Variants in TUSC3 observed in about 807,000 individuals in gnomAD.
TUSC3 encodes tumor suppressor candidate 3, also known as dolichyl-diphosphooligosaccharide--protein glycosyltransferase subunit TUSC3.
In TUSC3, 45 loss-of-function variants were observed where a neutral mutation model predicts 44.8. The ratio of observed to expected loss-of-function variants is 1.00; its 90% CI spans 0.79 to 1.29. The LOEUF (loss-of-function observed/expected upper bound fraction) is 1.29. Among genes scored for constraint, TUSC3 ranks in the 50% most tolerant of loss-of-function variants. TUSC3 has a pLI of 0.00. For synonymous variants in TUSC3, 212 were observed against 152.9 expected, an observed-to-expected ratio of 1.39 and a Z score of -2.85; for missense variants, 519 against 437.9, an observed-to-expected ratio of 1.19 and a Z score of -1.65.
intron 1 of TUSC3, among the ~76,000 whole-genome samples, chr8:15,464,011 A>G (rs1185566511): frequency 2.0e-5 from 3 of 152,196 alleles, no homozygotes; most frequent in Non-Finnish European, 2.9e-5. Flanking sequence ...AAAGATTCCT[A>G]AAGTGCCTGT....
rs554563764 is a variant in TUSC3 at position 15,738,652 on chromosome 8, A to G, written c.863-4886A>G. 1.9e-3 allele frequency among the ~76,000 whole-genome samples: 289 copies of G among 152,156 alleles called. 2 individuals are homozygous for G. The highest frequency in any genetic ancestry group is 0.01 in the Middle Eastern group (3 of 294). ...TGGTCAATAAAGAACACAAAAATCC[A>G]CACTTTTATTAACTCACCCGTGAAC... is the stretch of plus-strand genomic sequence containing the variant. On this transcript the variant is annotated intron_variant, in intron 7 of 10. Transcript: ENST00000503731.
At chr8:15,610,387 A>G (rs1804708372) in intron 1 of TUSC3, among the ~76,000 whole-genome samples, 1 of 152,202 alleles carries the variant, frequency 6.6e-6, no homozygotes, top group African/African-American at 2.4e-5. Flanking sequence ...TCTCATGGAG[A>G]AACATTTCTG....
the TUSC3 span, among the ~76,000 whole-genome samples, chr8:15,792,361 T>C: frequency 6.6e-6 from 1 of 152,150 alleles, no homozygotes; most frequent in Non-Finnish European, 1.5e-5. Context: ...AGGCTGATGT[T>C]ACTGAGTGGC....
intron 2 of TUSC3, among the ~76,000 whole-genome samples, chr8:15,489,688 T>C (rs1231952438): frequency 2.0e-5 from 3 of 152,156 alleles, no homozygotes; most frequent in Admixed American, 6.6e-5. Flanking sequence ...TTTGTCAGTC[T>C]TAAGATTTCT....
chr8:15,573,192 CTCTCTCTCTCTATATATA>C lies in TUSC3; in HGVS notation c.138+32626_138+32643del, dbSNP rs1347781840. On this transcript the variant is annotated intron_variant, in intron 1 of 10. Transcript: ENST00000503731. ...TTTCTCTCTCTCTCTCTCTCTCTCT[CTCTCTCTCTCTATATATA>C]TATATATATATATATATATAAAAGT... Among the ~76,000 whole-genome samples, 7 of 93,276 alleles carry C rather than the reference CTCTCTCTCTCTATATATA, an allele frequency of 7.5e-5. No homozygotes were observed. The East Asian group carries it at 1.5e-3, about 20-fold the overall frequency. 61.2% of individuals were successfully genotyped at this position (93,276 alleles called of 152,430 possible). A position where few individuals can be genotyped will look rare whatever the true frequency, so the allele number is the denominator to read the frequency against.
the TUSC3 span, among the ~76,000 whole-genome samples, chr8:15,791,794 T>C: frequency 1.3e-5 from 2 of 152,316 alleles, no homozygotes; most frequent in East Asian, 1.9e-4. Context: ...CTGTTGATTA[T>C]GTTTTTGTAT....
intron 2 of TUSC3, among the ~76,000 whole-genome samples, chr8:15,488,463 C>T (rs1450935394): frequency 6.6e-6 from 1 of 152,156 alleles, no homozygotes; most frequent in East Asian, 1.9e-4. Flanking sequence ...CATTGCACCA[C>T]TGCACTCCAG....
intron 1 of TUSC3, among the ~76,000 whole-genome samples, chr8:15,561,304 G>C (rs143130036): frequency 0.12 from 16,251 of 131,042 alleles, 1,216 homozygotes; most frequent in Middle Eastern, 0.2. Flanking sequence ...GTGCCTCCCA[G>C]TTCGGCTGCT....
chr8:15,788,994 C>G, the TUSC3 span, among the ~76,000 whole-genome samples: 1 of 152,198 alleles, frequency 6.6e-6, no homozygotes, highest in Non-Finnish European at 1.5e-5. Flanking sequence ...CTTTCCTCAG[C>G]TGCCAGCAAT....
intron 2 of TUSC3, among the ~76,000 whole-genome samples, chr8:15,649,882 A>G (rs1806812745): frequency 6.6e-6 from 1 of 152,188 alleles, no homozygotes. Flanking sequence ...ACTCTAGAGA[A>G]CAGTCAACCA....
chr8:15,785,571 C>A, the TUSC3 span, among the ~76,000 whole-genome samples: 3 of 151,532 alleles, frequency 2.0e-5, no homozygotes, highest in East Asian at 5.8e-4. Context: ...GGACGTTATT[C>A]CTTGTTTTAG....
intron 7 of TUSC3, among the ~76,000 whole-genome samples, chr8:15,734,515 A>C (rs1039793096): frequency 6.6e-5 from 10 of 152,302 alleles, no homozygotes; most frequent in Middle Eastern, 6.8e-3. Flanking sequence ...ATAGGGCTTT[A>C]TATTTTTGCA....
intron 3 of TUSC3, among the ~76,000 whole-genome samples, chr8:15,657,185 C>T (rs188705483): frequency 1.1e-4 from 16 of 152,306 alleles, no homozygotes; most frequent in Admixed American, 1.0e-3. Flanking sequence ...TCTTCATATT[C>T]TCTCCTGAAC....
chr8:15,748,582 G>C, intron 9 of TUSC3, 117 bp downstream of exon 9: 1 of 988,022 alleles, frequency 1.0e-6, no homozygotes, highest in Non-Finnish European at 1.6e-6. Flanking sequence ...TTTAAATTCA[G>C]TTAAGCAAGT....
At chr8:15,677,990 G>T (rs1359998805) in intron 6 of TUSC3, among the ~76,000 whole-genome samples, 1 of 152,174 alleles carries the variant, frequency 6.6e-6, no homozygotes, top group East Asian at 1.9e-4. Flanking sequence ...CATATTGGAG[G>T]TTAAGGAAAC....
chr8:15,739,100 G>C (rs1418902489), intron 7 of TUSC3, among the ~76,000 whole-genome samples: 1 of 151,636 alleles, frequency 6.6e-6, no homozygotes, highest in Non-Finnish European at 1.5e-5. Flanking sequence ...CAAAATGCTG[G>C]GATTACAGGC....
At chr8:15,780,053 A>T in the TUSC3 span, among the ~76,000 whole-genome samples, 2 of 152,220 alleles carry the variant, frequency 1.3e-5, no homozygotes, top group Non-Finnish European at 1.5e-5. Flanking sequence ...GCAATGTGTT[A>T]TGCCATTCAG....
At chr8:15,699,458 G>A (rs893937175) in intron 6 of TUSC3, among the ~76,000 whole-genome samples, 1 of 152,142 alleles carries the variant, frequency 6.6e-6, no homozygotes, top group Non-Finnish European at 1.5e-5. Context: ...GTGTCCACCT[G>A]TCAGTATTCA....
At chr8:15,422,863 A>G (rs2129115404) in intron 1 of TUSC3, among the ~76,000 whole-genome samples, 1 of 152,194 alleles carries the variant, frequency 6.6e-6, no homozygotes, top group African/African-American at 2.4e-5. Context: ...GGCTGGTCAC[A>G]AACTCCTGGG....
Sources: gnomAD v4.1 joint callset for allele counts (sites outside exome capture counted in the v4.1 genomes callset) on GRCh38, gnomAD v4.1.1 for gene constraint, MANE v1.5 for transcripts, NCBI Gene and HGNC (gene_info 2026-07-23, HGNC 2026-07-21) for gene names.